The following PLEKHG1 variants were observed in gnomAD, a reference collection of about 807,000 sequenced individuals.
PLEKHG1 encodes the protein pleckstrin homology and RhoGEF domain containing G1.
Under a neutral mutation model 100.8 loss-of-function variants are expected in PLEKHG1, and 44 were observed. That is an observed-to-expected ratio of 0.44 (90% CI 0.34 to 0.56). PLEKHG1 has a LOEUF of 0.56. Ranked by LOEUF, PLEKHG1 falls within the 20% of genes least tolerant of loss-of-function variation. PLEKHG1 has a pLI of 0.01. For synonymous variants in PLEKHG1, 640 were observed against 662.5 expected, an observed-to-expected ratio of 0.97 and a Z score of 0.52; for missense variants, 1,545 against 1,720.9, an observed-to-expected ratio of 0.90 and a Z score of 1.81.
At position 150,831,478 on chromosome 6, in the gene PLEKHG1, C is replaced by G. The variant is rs1213852637; in HGVS notation, c.2367C>G (p.Ser789Arg). Residue 789 changes from serine to arginine, a missense_variant, in exon 15 of 16, where the codon AGC (serine) becomes AGG (arginine). Physicochemically the swap from Ser to Arg is moderately radical, Grantham distance 110. Coordinates refer to ENST00000358517, the Ensembl canonical transcript of PLEKHG1. This position sits in a 1 kb window ranked among gnomAD's most constrained non-coding sequence, Gnocchi z 4.1. ...TGAGGCCATTTGTTTCCCAAGACAGCCTCCAGCTCAGTGAGGACGAAGCCC... is the reference window on the plus strand; with the variant it reads ...TGAGGCCATTTGTTTCCCAAGACAGGCTCCAGCTCAGTGAGGACGAAGCCC... 1 of 1,614,180 alleles carries G rather than the reference C, an allele frequency of 6.2e-7. No individual in the cohort carries two copies. Among genetic ancestry groups the G allele is most frequent in the African/African-American group, 1.3e-5 (1 of 75,058 alleles).
intron 14 of PLEKHG1, chr6:150,827,887 G>A: frequency 6.6e-7 from 1 of 1,513,160 alleles, no homozygotes. Flanking sequence ...GAAATGTACA[G>A]ACAGCAGAGA....
intron 1 of PLEKHG1, among the ~76,000 whole-genome samples, chr6:150,609,569 T>C (rs2128552496): frequency 6.6e-6 from 1 of 152,272 alleles, no homozygotes; most frequent in African/African-American, 2.4e-5. Context: ...GGCTGGGTTA[T>C]GCAGGTCTTT....
intron 14 of PLEKHG1, chr6:150,828,169 A>G (rs1776719280): frequency 1.2e-6 from 2 of 1,613,782 alleles, no homozygotes; most frequent in South Asian, 1.1e-5. Flanking sequence ...ATATTTGTTT[A>G]CCTGGAAGGA....
At chr6:150,768,537 A>C in intron 2 of PLEKHG1, 101 bp from the exon 4 acceptor site, 1 of 694,556 alleles carries the variant, frequency 1.4e-6, no homozygotes, top group Non-Finnish European at 2.6e-6. Flanking sequence ...ACACTAGTAA[A>C]ATAATTACTT....
At chr6:150,804,930 T>TA (rs1786966832) in intron 7 of PLEKHG1, among the ~76,000 whole-genome samples, 189 bp downstream of exon 8, 1 of 144,508 alleles carries the variant, frequency 6.9e-6, no homozygotes, top group Non-Finnish European at 1.5e-5. Context: ...GAGAAAGGGA[T>TA]ATTATAACTT....
At chr6:150,606,178 G>A (rs768493385) in intron 1 of PLEKHG1, among the ~76,000 whole-genome samples, 2 of 152,156 alleles carry the variant, frequency 1.3e-5, no homozygotes, top group Admixed American at 6.5e-5. Flanking sequence ...TCCTGTTTAC[G>A]TAAAATTGGC....
chr6:150,750,556 G>A (rs935591846), intron 2 of PLEKHG1, among the ~76,000 whole-genome samples: 5 of 151,564 alleles, frequency 3.3e-5, no homozygotes, highest in East Asian at 3.9e-4. Context: ...CGAGGCGGGC[G>A]GATCACGAGG....
At position 150,808,668 on chromosome 6, in the gene PLEKHG1, G is replaced by A. The variant is rs143501448; in HGVS notation, c.913-437G>A. Among the ~76,000 whole-genome samples the A allele has an allele frequency of 2.8e-3, 431 of 152,280 alleles. 1 individual carries two copies. The highest frequency in any genetic ancestry group is 9.9e-3 in the African/African-American group (412 of 41,556). On this transcript the variant is annotated intron_variant, in intron 7 of 15. Coordinates refer to ENST00000358517, the Ensembl canonical transcript of PLEKHG1. ...CTCAGGAGGCTGAGGCAGGAGGATC[G>A]CTTGAACCGGGAGGTGGAGGTTGCA...
chr6:150,620,213 A>C (rs571454571), intron 1 of PLEKHG1, among the ~76,000 whole-genome samples: 10 of 150,724 alleles, frequency 6.6e-5, no homozygotes, highest in African/African-American at 2.5e-4. Context: ...GGAAAGAAAA[A>C]CAACAATTTC....
At position 150,742,879 on chromosome 6, in the gene PLEKHG1, G is replaced by A. The variant is rs527492276; in HGVS notation, c.411+8787G>A. Among the ~76,000 whole-genome samples the A allele has an allele frequency of 4.2e-3, 638 of 152,252 alleles. 2 individuals are homozygous for A. The highest frequency in any genetic ancestry group is 3.9e-3 in the South Asian group (19 of 4,828). ...GCACTCCTCCATGCAGTCATTCAAGGACCCAGGCTGAGGAGGCCTTGCTGT... is the reference window on the plus strand; with the variant it reads ...GCACTCCTCCATGCAGTCATTCAAGAACCCAGGCTGAGGAGGCCTTGCTGT... On this transcript the variant is annotated intron_variant, in intron 2 of 15. Coordinates refer to ENST00000358517, the Ensembl canonical transcript of PLEKHG1.
At chr6:150,675,101 T>C (rs1779713308) in intron 3 of PLEKHG1, among the ~76,000 whole-genome samples, 1 of 152,214 alleles carries the variant, frequency 6.6e-6, no homozygotes, top group Admixed American at 6.5e-5. Context: ...CGAGAAATAT[T>C]TAATAACCAC....
chr6:150,667,198 C>T (rs1402824150), intron 3 of PLEKHG1, among the ~76,000 whole-genome samples: 5 of 152,152 alleles, frequency 3.3e-5, no homozygotes, highest in Non-Finnish European at 7.3e-5. Flanking sequence ...GTTGGGTCTG[C>T]ATCACCTTTA....
intron 14 of PLEKHG1, 111 bp from the exon 16 acceptor site, chr6:150,830,466 TAAAAG>T: frequency 2.7e-6 from 2 of 730,828 alleles, no homozygotes; most frequent in South Asian, 4.1e-5. Flanking sequence ...CAGAAAAAAA[TAAAAG>T]AATATTAAAG....
chr6:150,648,731 AT>A (rs1447961419), intron 2 of PLEKHG1, among the ~76,000 whole-genome samples: 5 of 152,080 alleles, frequency 3.3e-5, no homozygotes, highest in Non-Finnish European at 5.9e-5. Context: ...AGCTTTTCAT[AT>A]AGTTTGGGAA....
exon 2 of PLEKHG1, chr6:150,733,975 A>G (rs1432922999): frequency 6.2e-7 from 1 of 1,614,164 alleles, no homozygotes; most frequent in South Asian, 1.1e-5. Flanking sequence ...CAAACGGGGC[A>G]CCCAAGACGA....
intron 10 of PLEKHG1, among the ~76,000 whole-genome samples, chr6:150,811,495 T>A (rs1340876338): frequency 6.6e-6 from 1 of 152,084 alleles, no homozygotes; most frequent in Non-Finnish European, 1.5e-5. Context: ...GGTTTCAAAC[T>A]CCTGGGTTCA....
At chr6:150,674,023 C>T (rs1043550305) in intron 3 of PLEKHG1, among the ~76,000 whole-genome samples, 2 of 152,116 alleles carry the variant, frequency 1.3e-5, no homozygotes, top group African/African-American at 4.8e-5. Context: ...CCCTCTCCAC[C>T]ACACACCACA....
intron 10 of PLEKHG1, among the ~76,000 whole-genome samples, chr6:150,814,735 G>A (rs1787757842): frequency 6.6e-6 from 1 of 152,108 alleles, no homozygotes; most frequent in African/African-American, 2.4e-5. Context: ...TTGAAACAGC[G>A]TCTCACTCTG....
intron 1 of PLEKHG1, among the ~76,000 whole-genome samples, chr6:150,601,614 C>A (rs1352348196): frequency 6.6e-6 from 1 of 152,184 alleles, no homozygotes; most frequent in African/African-American, 2.4e-5. Flanking sequence ...GCCACCAAAC[C>A]ACCTGACTAA....
Sources: allele counts gnomAD v4.1 joint callset (sites outside exome capture counted in the v4.1 genomes callset), GRCh38; gene constraint gnomAD v4.1.1; non-coding constraint Gnocchi (gnomAD v3.1); transcripts MANE v1.5; gene names NCBI Gene and HGNC (gene_info 2026-07-23, HGNC 2026-07-21).